Variants in ADCY9 observed in about 807,000 individuals in gnomAD.
ADCY9 encodes the protein adenylate cyclase 9.
A neutral mutation model predicts 101.5 loss-of-function variants in ADCY9; 50 were observed. The observed-to-expected ratio is 0.49, with a 90% confidence interval of 0.39 to 0.62. ADCY9 has a LOEUF of 0.62. Ranked by LOEUF, ADCY9 falls within the 20% of genes least tolerant of loss-of-function variation. The pLI is 0.00. For synonymous variants in ADCY9, 905 were observed against 769.3 expected, an observed-to-expected ratio of 1.18 and a Z score of -2.92; for missense variants, 1,662 against 1,800.4, an observed-to-expected ratio of 0.92 and a Z score of 1.39.
intron 5 of ADCY9, among the ~76,000 whole-genome samples, chr16:3,989,997 G>C (rs923935708): frequency 3.9e-5 from 6 of 152,158 alleles, no homozygotes; most frequent in Admixed American, 1.3e-4. Context: ...TTTAATAGCA[G>C]GGAAATCAAC....
chr16:4,040,104 T>C (rs2056616740), intron 2 of ADCY9, among the ~76,000 whole-genome samples: 1 of 152,170 alleles, frequency 6.6e-6, no homozygotes, highest in South Asian at 2.1e-4. Context: ...CGCCTTTTCA[T>C]ATAAATAACT....
intron 2 of ADCY9, among the ~76,000 whole-genome samples, chr16:4,063,604 T>TG (rs1567134123): frequency 1.3e-5 from 2 of 151,178 alleles, no homozygotes; most frequent in African/African-American, 4.8e-5. Context: ...CTCAGCTCCT[T>TG]GGGGGGCTGA....
intron 2 of ADCY9, among the ~76,000 whole-genome samples, chr16:4,066,922 A>C (rs1439331458): frequency 1.3e-5 from 2 of 152,212 alleles, no homozygotes; most frequent in Non-Finnish European, 2.9e-5. Context: ...CTTTTCCATA[A>C]ATTTCAAATG....
chr16:4,040,304 G>C (rs2056618386), intron 2 of ADCY9, among the ~76,000 whole-genome samples: 1 of 152,036 alleles, frequency 6.6e-6, no homozygotes, highest in African/African-American at 2.4e-5. Context: ...CGGTGAGGTT[G>C]GGTTTTTCTT....
intron 2 of ADCY9, among the ~76,000 whole-genome samples, chr16:4,060,015 C>A (rs927742689): frequency 2.6e-5 from 4 of 152,218 alleles, no homozygotes; most frequent in African/African-American, 9.6e-5. Context: ...ACCCATGCTG[C>A]TACATCTACC....
Position 3,992,295 on chromosome 16 carries a change from G to A in ADCY9, c.2058C>T (p.Thr686=). The change falls in exon 5 of 11, where the codon ACC becomes ACT. Residue 686 remains threonine, a synonymous_variant. Transcript: ENST00000294016. This position sits in a 1 kb window ranked among gnomAD's most constrained non-coding sequence, Gnocchi z 4.2. The stretch of plus-strand genomic sequence containing the variant: ...TCTCACACAGAGAAGTCTGACTGTT[G>A]GTGAGCTTCTCCTCTTGGGGAGGGC... ...LLSPPQEEKL[T]NSQTSLCEIL... is the part of the protein sequence containing the mutation. 5 of 1,614,152 alleles carry A rather than the reference G, an allele frequency of 3.1e-6. No individual in the cohort carries two copies. The highest frequency in any genetic ancestry group is 1.3e-5 in the African/African-American group (1 of 75,034).
intron 2 of ADCY9, among the ~76,000 whole-genome samples, chr16:4,053,501 C>T (rs936542861): frequency 3.3e-5 from 5 of 152,304 alleles, no homozygotes; most frequent in South Asian, 2.1e-4. Flanking sequence ...CGTGCGAGCC[C>T]GCCGTCTATT....
At chr16:4,104,605 C>T (rs1227536155) in intron 2 of ADCY9, among the ~76,000 whole-genome samples, 1 of 151,644 alleles carries the variant, frequency 6.6e-6, no homozygotes, top group African/African-American at 2.4e-5. Context: ...GAGTAGGACC[C>T]CATCTCAGAA....
intron 3 of ADCY9, among the ~76,000 whole-genome samples, chr16:4,005,508 C>T (rs890656888): frequency 3.3e-5 from 5 of 152,212 alleles, no homozygotes; most frequent in Admixed American, 2.0e-4. Context: ...GGATTACAGG[C>T]GTGAGCCACC....
chr16:3,987,491 T>C (rs2056203379), intron 6 of ADCY9, among the ~76,000 whole-genome samples: 1 of 152,164 alleles, frequency 6.6e-6, no homozygotes, highest in African/African-American at 2.4e-5. Flanking sequence ...CGTCAGCTCT[T>C]TGGTAAAAGG....
At chr16:4,042,258 G>A (rs915242675) in intron 2 of ADCY9, among the ~76,000 whole-genome samples, 1 of 151,952 alleles carries the variant, frequency 6.6e-6, no homozygotes, top group Non-Finnish European at 1.5e-5. Context: ...GTAGAGACAG[G>A]GTTTTCCTAT....
At chr16:4,074,956 G>C (rs139406430) in intron 2 of ADCY9, among the ~76,000 whole-genome samples, 1 of 151,886 alleles carries the variant, frequency 6.6e-6, no homozygotes, top group Non-Finnish European at 1.5e-5. Flanking sequence ...CAGGAGGATC[G>C]CTTGAGCCCA....
In ADCY9 at chr16:3,956,503, T is replaced by TTTTTTTTTTTTGGGGG. The variant is rs55792938; in HGVS notation, c.568-2988_568-2987insCCCCCAAAAAAAAAAA. On this transcript the variant is annotated intron_variant, in intron 5 of 5. Coordinates refer to the ADCY9 transcript ENST00000576936. ...GCGCAATGAGCTTTTTTTTTTTTTT[T>TTTTTTTTTTTTGGGGG]GGGGGGGGATGGAGTCTCCCTCTGT... Among the ~76,000 whole-genome samples the TTTTTTTTTTTTGGGGG allele has an allele frequency of 2.9e-5, 2 of 69,496 alleles. 1 individual carries two copies. The highest frequency in any genetic ancestry group is 8.1e-5 in the African/African-American group (2 of 24,704). The allele number at this position is 69,496 out of a possible 152,430, so 45.6% of individuals were successfully genotyped here.
At chr16:4,103,180 G>C (rs78214096) in intron 2 of ADCY9, among the ~76,000 whole-genome samples, 2,242 of 152,310 alleles carry the variant, frequency 0.015, 50 homozygotes, top group African/African-American at 0.051. Context: ...ACTCCAATTG[G>C]CGTTGTTTCA....
At chr16:3,978,985 G>T in intron 8 of ADCY9, 131 bp downstream of exon 8, 1 of 1,180,114 alleles carries the variant, frequency 8.5e-7, no homozygotes, top group Non-Finnish European at 1.2e-6. Flanking sequence ...ACAGTGCTGG[G>T]ATTACAGGCG....
intron 2 of ADCY9, among the ~76,000 whole-genome samples, chr16:4,014,338 A>AAAAG (rs1567437792): frequency 7.3e-5 from 11 of 150,658 alleles, no homozygotes; most frequent in Non-Finnish European, 1.0e-4. Flanking sequence ...AAAAAAAAAA[A>AAAAG]AAGAAGTCCC....
chr16:4,080,730 T>TC (rs1346541914), intron 2 of ADCY9, among the ~76,000 whole-genome samples: 2 of 151,572 alleles, frequency 1.3e-5, no homozygotes, highest in African/African-American at 4.8e-5. Flanking sequence ...TTTTTTTTTT[T>TC]TGTAAAAATA....
At chr16:4,030,345 A>G (rs1183990161) in intron 2 of ADCY9, among the ~76,000 whole-genome samples, 1 of 152,162 alleles carries the variant, frequency 6.6e-6, no homozygotes, top group Admixed American at 6.6e-5. Context: ...ACCCCAGCGT[A>G]AGCAACAGGC....
In ADCY9 at chr16:4,007,417, C is replaced by T. The variant is rs745357854; in HGVS notation, c.1835G>A (p.Gly612Glu). The change falls in exon 3 of 11, where the codon GGG becomes GAG. Residue 612 changes from glycine (G) to glutamate (E), a missense_variant. Transcript: ENST00000294016. ...AGTCTGCGCCAAGTCACTGACATTC[C>T]CTGATGACGCTGTCCCCTGTCCCCT... Reference protein sequence around the residue: ...GPRGQGTASSGNVSDLAQTVK... With the variant: ...GPRGQGTASSENVSDLAQTVK... 1.7e-5 allele frequency: 27 copies of T among 1,608,076 alleles called. No homozygotes were observed. Among genetic ancestry groups the T allele is most frequent in the Non-Finnish European group, 1.7e-6 (2 of 1,178,364 alleles).
Sources: gnomAD v4.1 joint callset for allele counts (sites outside exome capture counted in the v4.1 genomes callset) on GRCh38, gnomAD v4.1.1 for gene constraint, Gnocchi (gnomAD v3.1) non-coding constraint, MANE v1.5 for transcripts, NCBI Gene and HGNC (gene_info 2026-07-23, HGNC 2026-07-21) for gene names.